Variants in HELZ2 observed in about 807,000 individuals in gnomAD.
The protein encoded by HELZ2 is 3'-5' exoribonuclease HELZ2.
HELZ2 carries 143 observed loss-of-function variants against 208.8 expected under a neutral mutation model. That is an observed-to-expected ratio of 0.68 (90% confidence interval 0.60 to 0.79). HELZ2 has a LOEUF of 0.79. Ranked by LOEUF, HELZ2 falls within the 30% of genes least tolerant of loss-of-function variation. HELZ2 has a pLI of 0.00. For missense variants in HELZ2, 3,690 were observed against 3,794.5 expected, an observed-to-expected ratio of 0.97 and a Z score of 0.72; for synonymous variants, 1,705 against 1,693.7, an observed-to-expected ratio of 1.01 and a Z score of -0.16.
At chr20:63,569,824 T>C (rs2146022117) in intron 3 of HELZ2, among the ~76,000 whole-genome samples, 159 bp from the exon 5 acceptor site, 1 of 152,314 alleles carries the variant, frequency 6.6e-6, no homozygotes, top group East Asian at 1.9e-4. Context: ...CATCCTCAGT[T>C]TCTTCCTGTG....
At position 63,561,332 on chromosome 20, in the gene HELZ2, CT is replaced by C. The variant is rs1238776759; in HGVS notation, c.6953+17del. 2.5e-6 allele frequency: 4 copies of C among 1,612,794 alleles called. No individual in the cohort carries two copies. The highest frequency in any genetic ancestry group is 3.4e-6 in the Non-Finnish European group (4 of 1,179,830). ...CCCATGCTGCAGGCAGCTCCACCCC[CT>C]GGCCCCTGCCACTTACCAGACCAGG... On this transcript the variant is annotated intron_variant, in intron 13 of 18. Coordinates refer to ENST00000467148, the Ensembl canonical transcript of HELZ2.
intron 14 of HELZ2, 38 bp from the exon 16 acceptor site, chr20:63,560,967 AC>A: frequency 6.2e-7 from 1 of 1,604,396 alleles, no homozygotes; most frequent in Non-Finnish European, 8.5e-7. Flanking sequence ...ACACCCCTAG[AC>A]CCAGAGGGAC....
At chr20:63,563,994 C>A in exon 8 of HELZ2, 1 of 1,602,992 alleles carries the variant, frequency 6.2e-7, no homozygotes, top group Non-Finnish European at 8.5e-7. Flanking sequence ...TGGGTGCGGG[C>A]AGCAAACTGG....
chr20:63,561,218 A>T (rs567017120), exon 14 of HELZ2: 2 of 1,612,860 alleles, frequency 1.2e-6, no homozygotes, highest in South Asian at 2.2e-5. Context: ...GGTGCAGAGG[A>T]TGACCTCATG....
At chr20:63,568,982 T>C in exon 5 of HELZ2, 1 of 1,602,396 alleles carries the variant, frequency 6.2e-7, no homozygotes, top group Middle Eastern at 1.7e-4. Context: ...CAGGAACACC[T>C]GGCCCCGCAG....
exon 8 of HELZ2, chr20:63,563,609 A>T: frequency 6.5e-7 from 1 of 1,537,512 alleles, no homozygotes; most frequent in Non-Finnish European, 8.7e-7. Flanking sequence ...CAGCTTGTCC[A>T]GAGGCTGGGC....
chr20:63,562,687 G>T lies in HELZ2; in HGVS notation c.6135C>A (p.His2045Gln), dbSNP rs368186001. The T allele has an allele frequency of 6.3e-7, 1 of 1,599,168 alleles. No homozygotes were observed. Among genetic ancestry groups the T allele is most frequent in the Non-Finnish European group, 8.5e-7 (1 of 1,173,990 alleles). The change falls in exon 8 of 19, where the codon CAC (histidine) becomes CAA (glutamine). Residue 2045 changes from histidine to glutamine, a missense_variant. His to Gln is a conservative substitution (Grantham distance 24, BLOSUM62 0). This residue lies in a region of HELZ2 where 2,564 missense variants were observed against 2,580.5 expected (regional missense o/e 0.99). Coordinates refer to ENST00000467148, the Ensembl canonical transcript of HELZ2. Reference sequence around the variant, plus strand: ...CCTGGTCCCAGTCCTGCGTCTGCCCGTGGGCCACCCAGGTATACGTGCCGG... The same window carrying T: ...CCTGGTCCCAGTCCTGCGTCTGCCCTTGGGCCACCCAGGTATACGTGCCGG...
intron 5 of HELZ2, 93 bp from the exon 7 acceptor site, chr20:63,567,720 G>A (rs1326170857): frequency 6.7e-7 from 1 of 1,492,480 alleles, no homozygotes; most frequent in Non-Finnish European, 8.9e-7. Flanking sequence ...AGCTGCCCCT[G>A]AGCACAGCCC....
intron 14 of HELZ2, 62 bp from the exon 16 acceptor site, chr20:63,560,991 C>T (rs1367238606): frequency 1.9e-5 from 31 of 1,596,180 alleles, no homozygotes; most frequent in African/African-American, 2.7e-5. Context: ...CAGCCCCACA[C>T]GACACCCGCG....
chr20:63,566,175 T>C, exon 8 of HELZ2: 1 of 1,535,290 alleles, frequency 6.5e-7, no homozygotes, highest in Non-Finnish European at 8.7e-7. Context: ...GCCCCAGGGC[T>C]GAGCAGGCTC....
exon 8 of HELZ2, chr20:63,566,113 G>A: frequency 5.7e-6 from 9 of 1,583,160 alleles, no homozygotes; most frequent in Non-Finnish European, 7.7e-6. Flanking sequence ...ACTGGGCGCG[G>A]GTCAGGACGG....
At position 63,568,522 on chromosome 20, in the gene HELZ2, G is replaced by A. The variant is rs375294690; in HGVS notation, c.1566C>T (p.Ala522=). Residue 522 remains alanine (A), a synonymous_variant, in exon 5 of 19, where the codon GCC becomes GCT. Coordinates refer to ENST00000467148, the Ensembl canonical transcript of HELZ2. ...GGCCCCAGCCCGCGATGAGCGCCAC[G>A]GCCAGCTCCTGCTTGCGGTTGCCAC... is the stretch of plus-strand genomic sequence containing the variant. 144 of 1,582,796 alleles carry A rather than the reference G, an allele frequency of 9.1e-5. No homozygotes were observed. In the Middle Eastern group the frequency reaches 1.3e-3, roughly 15 times the overall value.
In HELZ2 at chr20:63,560,669, A is replaced by C. The variant is rs774897027; in HGVS notation, c.7310T>G (p.Val2437Gly). Residue 2437 changes from valine to glycine, a missense_variant, in exon 16 of 19, where the codon GTG (valine) becomes GGG (glycine). Transcript: ENST00000467148. The stretch of plus-strand genomic sequence containing the variant: ...CTTCAGCTTGCTCTTGTAGAACGCC[A>C]CAGAGGGGAAGGCACAGATGCCCTC... The C allele has an allele frequency of 2.5e-6, 4 of 1,609,318 alleles. No individual in the cohort carries two copies. The South Asian group carries it at 4.4e-5, about 18-fold the overall frequency.
exon 8 of HELZ2, chr20:63,563,521 G>A: frequency 6.6e-7 from 1 of 1,512,712 alleles, no homozygotes; most frequent in South Asian, 1.3e-5. Flanking sequence ...CGGGGCAGGG[G>A]TCAGGCAGCG....
chr20:63,559,409 AGGTGGGAGGAGTCAGG>A (rs765553177), intron 18 of HELZ2, 39 bp from the exon 20 acceptor site: 1 of 1,507,320 alleles, frequency 6.6e-7, no homozygotes, highest in Non-Finnish European at 9.0e-7. Flanking sequence ...AGTCAGGGTC[AGGTGGGAGGAGTCAGG>A]GTCAGGTGGG....
At chr20:63,568,029 C>A (rs1294795719) in intron 5 of HELZ2, 6 of 534,058 alleles carry the variant, frequency 1.1e-5, no homozygotes, top group South Asian at 2.5e-5. Flanking sequence ...CAAAGGGGAA[C>A]CTTGTGGTTA....
chr20:63,569,390 A>C, exon 4 of HELZ2: 1 of 1,609,222 alleles, frequency 6.2e-7, no homozygotes, highest in South Asian at 1.1e-5. Context: ...CGAGCGCCAG[A>C]TTCCTGCAGG....
exon 8 of HELZ2, chr20:63,566,131 C>A (rs762768553): frequency 1.7e-5 from 27 of 1,573,240 alleles, no homozygotes; most frequent in Non-Finnish European, 2.3e-5. Context: ...CGGTGTTGAG[C>A]ACGCGGGCGT....
At chr20:63,565,159 G>A (rs780616984) in exon 8 of HELZ2, 6 of 1,597,832 alleles carry the variant, frequency 3.8e-6, no homozygotes, top group Non-Finnish European at 4.3e-6. Context: ...TGGTCACGGA[G>A]CCATTGATGG....
Sources: allele counts gnomAD v4.1 joint callset (sites outside exome capture counted in the v4.1 genomes callset), GRCh38; gene constraint gnomAD v4.1.1; regional missense constraint gnomAD v4.1.1; transcripts MANE v1.5; gene names NCBI Gene and HGNC (gene_info 2026-07-23, HGNC 2026-07-21).